Variants in MCF2L observed in about 807,000 individuals in gnomAD.
MCF2L encodes guanine nucleotide exchange factor DBS.
In MCF2L, 97 loss-of-function variants were observed where a neutral mutation model predicts 153.4. The ratio of observed to expected loss-of-function variants is 0.63; its 90% CI spans 0.54 to 0.75. The LOEUF is 0.75. Ranked by LOEUF, MCF2L falls within the 30% of genes least tolerant of loss-of-function variation. The pLI, the probability that MCF2L is intolerant of heterozygous loss-of-function variation, is 0.00. For missense variants in MCF2L, 1,347 were observed against 1,495.2 expected (o/e 0.90, Z 1.64); for synonymous variants, 659 against 632.2 (o/e 1.04, Z -0.64).
chr13:112,950,016 A>C (rs537429140), intron 2 of MCF2L, among the ~76,000 whole-genome samples: 4 of 152,188 alleles, frequency 2.6e-5, no homozygotes, highest in Admixed American at 2.6e-4. Context: ...AAAAAAAAAA[A>C]AACTCCTAAA....
chr13:113,070,102 T>C lies in MCF2L; in HGVS notation c.925T>C (p.Phe309Leu). The change falls in exon 9 of 30, where the codon TTC (phenylalanine) becomes CTC (leucine). Residue 309 changes from phenylalanine (F) to leucine (L), a missense_variant. By Grantham distance (22) the Phe-to-Leu change is conservative. This residue lies in a region of MCF2L where 820 missense variants were observed against 921.2 expected (regional missense o/e 0.89). Coordinates refer to ENST00000535094, the MANE Select transcript of MCF2L (RefSeq NM_001112732.3). This position sits in a 1 kb window ranked among gnomAD's most constrained non-coding sequence, Gnocchi z 5.6. Reference sequence around the variant, plus strand: ...CGAAACCGAGGCTGCCTTCGATGAGTTCTGGGCAAAGCATCAGCAGAAACT... The same window carrying C: ...CGAAACCGAGGCTGCCTTCGATGAGCTCTGGGCAAAGCATCAGCAGAAACT... ...LNETEAAFDE[F>L]WAKHQQKLEQ... 2 of 1,610,158 alleles carry C rather than the reference T, an allele frequency of 1.2e-6. No homozygotes were observed. Among genetic ancestry groups the C allele is most frequent in the Non-Finnish European group, 1.7e-6 (2 of 1,178,642 alleles).
chr13:113,003,873 A>C (rs2083522729), intron 1 of MCF2L, among the ~76,000 whole-genome samples: 2 of 152,304 alleles, frequency 1.3e-5, no homozygotes, highest in African/African-American at 4.8e-5. Flanking sequence ...GGTAAAATGC[A>C]GGGTGGGGCG....
chr13:112,969,203 C>T (rs2081958949), upstream of MCF2L: 1 of 1,104,262 alleles, frequency 9.1e-7, no homozygotes. The surrounding 1 kb of genome is among the most constrained non-coding windows in gnomAD (Gnocchi z 4.8). Flanking sequence ...GCGCGCCCCC[C>T]TCCCGGTGGC....
Position 113,024,897 on chromosome 13 carries a change from T to C in MCF2L, c.278+139T>C, listed in dbSNP as rs1041252016. 5.8e-6 allele frequency: 4 copies of C among 690,826 alleles called. No homozygotes were observed. The African/African-American group carries it at 7.4e-5, about 13-fold the overall frequency. 42.8% of individuals were successfully genotyped at this position (690,826 alleles called of 1,614,324 possible). A position where few individuals can be genotyped will look rare whatever the true frequency, so the allele number is the denominator to read the frequency against. ...CCCTGTCATGGGGTCCCCGTGACTG[T>C]GGGTCGGGGCAGAGTCCCTGTGAGA... On this transcript the variant is annotated intron_variant, in intron 3 of 29. Coordinates refer to ENST00000535094, the MANE Select transcript of MCF2L (RefSeq NM_001112732.3).
chr13:113,083,900 G>T, intron 17 of MCF2L, 98 bp from the exon 18 acceptor site: 1 of 888,230 alleles, frequency 1.1e-6, no homozygotes, highest in South Asian at 1.3e-5. Flanking sequence ...CCCAGAGCAA[G>T]GCGTAACAGG....
intron 1 of MCF2L, among the ~76,000 whole-genome samples, chr13:112,970,966 G>A (rs1440523694): frequency 6.6e-6 from 1 of 152,138 alleles, no homozygotes; most frequent in Non-Finnish European, 1.5e-5. Context: ...TTCAAGTCCA[G>A]CTTACCAGAT....
At chr13:112,933,751 C>T (rs1388674792) in intron 2 of MCF2L, among the ~76,000 whole-genome samples, 22 of 152,228 alleles carry the variant, frequency 1.4e-4, no homozygotes, top group Non-Finnish European at 1.5e-5. Flanking sequence ...CGCAGCTGGC[C>T]CTTGGCCATC....
intron 21 of MCF2L, 25 bp from the exon 22 acceptor site, chr13:113,087,210 C>T (rs943305186): frequency 1.9e-6 from 3 of 1,599,634 alleles, no homozygotes; most frequent in African/African-American, 2.7e-5. Flanking sequence ...CCGTCCTGAA[C>T]ACAGCCCTGC....
At chr13:113,012,157 T>C (rs1392858924) in intron 1 of MCF2L, among the ~76,000 whole-genome samples, 8 of 85,842 alleles carry the variant, frequency 9.3e-5, no homozygotes, top group African/African-American at 2.1e-4. Flanking sequence ...GTGGACACTG[T>C]GATGCGGACG....
intron 2 of MCF2L, among the ~76,000 whole-genome samples, chr13:112,940,883 G>A (rs887518769): frequency 6.6e-6 from 1 of 152,112 alleles, no homozygotes; most frequent in African/African-American, 2.4e-5. Flanking sequence ...CCAGCATTTG[G>A]GTGGCATGTG....
rs566137644 is a variant in MCF2L, at chr13:113,050,264, ATG to A, written c.369+4910_369+4911del. ...TGTGCGCGAGTGGGAGTGTAAGTGA[ATG>A]TGTGTGAGACTGTGAGTGTGAGAGT... On this transcript the variant is annotated intron_variant, in intron 4 of 29. Transcript: ENST00000535094. Among the ~76,000 whole-genome samples the A allele has an allele frequency of 1.6e-3, 166 of 104,788 alleles. 2 individuals are homozygous for A. In the Middle Eastern group the frequency reaches 0.022, roughly 14 times the overall value. The allele number at this position is 104,788 out of a possible 152,430, so 68.7% of individuals were successfully genotyped here. A position where few individuals can be genotyped will look rare whatever the true frequency, so the allele number is the denominator to read the frequency against.
chr13:113,011,581 AGGT>A (rs1318100391), intron 1 of MCF2L, among the ~76,000 whole-genome samples: 1 of 149,780 alleles, frequency 6.7e-6, no homozygotes, highest in Non-Finnish European at 1.5e-5. Flanking sequence ...GACAGTGGAC[AGGT>A]GGTGTGGACG....
chr13:113,088,132 A>T (rs1355896844), intron 23 of MCF2L, among the ~76,000 whole-genome samples, 195 bp from the exon 24 acceptor site: 1 of 152,204 alleles, frequency 6.6e-6, no homozygotes, highest in Non-Finnish European at 1.5e-5. Flanking sequence ...ACAGTTCTTC[A>T]GTCAGTCCCG....
At chr13:113,043,025 T>C (rs2086598573) in intron 3 of MCF2L, 1 of 152,248 alleles carries the variant, frequency 6.6e-6, no homozygotes, top group East Asian at 1.9e-4. Context: ...TACAGCATAC[T>C]CAGTGGCTTC....
intron 2 of MCF2L, chr13:112,917,477 C>G (rs987628955): frequency 9.6e-6 from 3 of 313,754 alleles, no homozygotes; most frequent in African/African-American, 2.2e-5. Flanking sequence ...CTGCGCCTGT[C>G]CCTCCCCACC....
intron 2 of MCF2L, among the ~76,000 whole-genome samples, chr13:112,919,422 C>G (rs965564297): frequency 1.1e-3 from 168 of 151,924 alleles, no homozygotes; most frequent in East Asian, 2.5e-3. Context: ...AGCCGGGATG[C>G]TCTCGATCTC....
intron 4 of MCF2L, among the ~76,000 whole-genome samples, chr13:113,050,677 GGGGGTGGCTGGGGGAGC>G (rs1444297867): frequency 1.1e-5 from 1 of 94,888 alleles, no homozygotes; most frequent in African/African-American, 4.6e-5. Flanking sequence ...CGGTGGAGGG[GGGGGTGGCTGGGGGAGC>G]GGGGAGGCGG....
chr13:112,993,555 T>G lies in MCF2L; in HGVS notation c.80-21208T>G, dbSNP rs1437804193. Reference sequence around the variant, plus strand: ...AGGATCGCAGCCACAGAAGTGGCAGTGGGAGGGGAGGGGGAGGGTGCCTGG... The same window carrying G: ...AGGATCGCAGCCACAGAAGTGGCAGGGGGAGGGGAGGGGGAGGGTGCCTGG... On this transcript the variant is annotated intron_variant, in intron 1 of 29. Transcript: ENST00000535094. This position sits in a 1 kb window ranked among gnomAD's most constrained non-coding sequence, Gnocchi z 4.6. 1.4e-5 allele frequency among the ~76,000 whole-genome samples: 2 copies of G among 148,114 alleles called. No individual in the cohort carries two copies. Among genetic ancestry groups the G allele is most frequent in the Admixed American group, 6.7e-5 (1 of 14,916 alleles).
intron 15 of MCF2L, among the ~76,000 whole-genome samples, chr13:113,079,261 A>G (rs2033844582): frequency 6.6e-6 from 1 of 151,988 alleles, no homozygotes; most frequent in African/African-American, 2.4e-5. Context: ...TTCCTCCTTC[A>G]CCTTTAAGAA....
Sources: allele counts gnomAD v4.1 joint callset (sites outside exome capture counted in the v4.1 genomes callset), GRCh38; gene constraint gnomAD v4.1.1; regional missense constraint gnomAD v4.1.1; non-coding constraint Gnocchi (gnomAD v3.1); transcripts MANE v1.5; gene names NCBI Gene and HGNC (gene_info 2026-07-23, HGNC 2026-07-21).